AHCTF1: variants seen among roughly 807,000 people sequenced by gnomAD.
AHCTF1 encodes AT-hook containing transcription factor 1, also known as protein ELYS.
AHCTF1 carries 24 observed loss-of-function variants against 248.4 expected under a neutral mutation model. That is an observed-to-expected ratio of 0.10 (90% CI 0.07 to 0.14). AHCTF1 has a LOEUF of 0.14. AHCTF1 is among the 10% of genes least tolerant of loss of function. AHCTF1 has a pLI of 1.00. For missense variants in AHCTF1, 2,206 were observed against 2,636.2 expected (o/e 0.84, Z 3.57); for synonymous variants, 786 against 929.8 (o/e 0.85, Z 2.81).
At position 246,926,584 on chromosome 1, in the gene AHCTF1, G is replaced by A. The variant is rs1042337912; in HGVS notation, c.-8+4994C>T. Reference sequence around the variant, plus strand: ...ATTATTAGAAATAGGGGCCAGGCGCGGTGGCTCACACCTGTCATCCCAGCA... The same window carrying A: ...ATTATTAGAAATAGGGGCCAGGCGCAGTGGCTCACACCTGTCATCCCAGCA... On this transcript the variant is annotated intron_variant, in intron 1 of 35. Coordinates refer to ENST00000648844, the MANE Select transcript of AHCTF1 (RefSeq NM_001323342.2). Among the ~76,000 whole-genome samples, 13 of 152,140 alleles carry A rather than the reference G, an allele frequency of 8.5e-5. No homozygotes were observed. In the East Asian group the frequency reaches 1.2e-3, roughly 14 times the overall value.
intron 2 of AHCTF1, 56 bp downstream of exon 2, chr1:246,918,188 CTTATTA>C: frequency 6.9e-7 from 1 of 1,442,848 alleles, no homozygotes; most frequent in Non-Finnish European, 9.3e-7. Flanking sequence ...ATAATATATA[CTTATTA>C]TTATTTATCT....
Position 246,851,190 on chromosome 1 carries a change from C to T in AHCTF1, c.4816G>A (p.Gly1606Ser). ...AACACATCAGATGATGCAAAATCACCTGGCTCAACTTCTCCTTCTTCACCT... is the reference window on the plus strand; with the variant it reads ...AACACATCAGATGATGCAAAATCACTTGGCTCAACTTCTCCTTCTTCACCT... ...LEGEEGEVEP[G>S]DFASSDVLPK... The change falls in exon 33 of 36, where the codon GGT (glycine) becomes AGT (serine). Residue 1606 changes from glycine (G) to serine (S), a missense_variant. Coordinates refer to ENST00000648844, the MANE Select transcript of AHCTF1 (RefSeq NM_001323342.2). The T allele has an allele frequency of 6.2e-7, 1 of 1,613,888 alleles. No homozygotes were observed. Among genetic ancestry groups the T allele is most frequent in the Non-Finnish European group, 8.5e-7 (1 of 1,179,846 alleles).
chr1:246,928,225 C>T (rs1376603728), intron 1 of AHCTF1, among the ~76,000 whole-genome samples: 1 of 151,112 alleles, frequency 6.6e-6, no homozygotes, highest in African/African-American at 2.4e-5. Flanking sequence ...ATGGCATGAA[C>T]CCGGGAGGCG....
chr1:246,907,691 C>G lies in AHCTF1; in HGVS notation c.624G>C (p.Gly208=). The change falls in exon 5 of 36, where the codon GGG becomes GGC. Residue 208 remains glycine, a synonymous_variant. Transcript: ENST00000648844. ...PHIRESVMRQ[G]RHLCFQLVSP... is the part of the protein sequence containing the mutation. ...TTACTAACTGGAAACACAGATGGCGCCCTTGTCTCATTACACTTTCTCTAA... is the reference window on the plus strand; with the variant it reads ...TTACTAACTGGAAACACAGATGGCGGCCTTGTCTCATTACACTTTCTCTAA... 1 of 1,613,952 alleles carries G rather than the reference C, an allele frequency of 6.2e-7. No individual in the cohort carries two copies. The highest frequency in any genetic ancestry group is 8.5e-7 in the Non-Finnish European group (1 of 1,179,954).
At chr1:246,910,918 G>A (rs894033885) in intron 4 of AHCTF1, among the ~76,000 whole-genome samples, 2 of 152,234 alleles carry the variant, frequency 1.3e-5, no homozygotes, top group Non-Finnish European at 2.9e-5. Flanking sequence ...GGAAGCTGCA[G>A]AACAATATTT....
At chr1:246,847,026 C>A (rs1660317074) in intron 33 of AHCTF1, among the ~76,000 whole-genome samples, 1 of 152,170 alleles carries the variant, frequency 6.6e-6, no homozygotes, top group Non-Finnish European at 1.5e-5. Context: ...GTGGCTCATG[C>A]CTATAATCCC....
intron 19 of AHCTF1, 72 bp downstream of exon 19, chr1:246,888,105 A>C (rs990283684): frequency 6.6e-7 from 1 of 1,515,370 alleles, no homozygotes; most frequent in African/African-American, 1.4e-5. Flanking sequence ...TAGATATGTC[A>C]GGTTTCCACT....
chr1:246,871,110 A>C (rs751465750), intron 24 of AHCTF1, among the ~76,000 whole-genome samples: 4 of 152,200 alleles, frequency 2.6e-5, no homozygotes, highest in Non-Finnish European at 5.9e-5. Flanking sequence ...TGCTAGGACC[A>C]CTAAAAAAGG....
chr1:246,851,418 C>T lies in AHCTF1; in HGVS notation c.4588G>A (p.Ala1530Thr), dbSNP rs750924356. Residue 1530 changes from alanine (A) to threonine (T), a missense_variant, in exon 33 of 36, where the codon GCT (alanine) becomes ACT (threonine). Physicochemically the swap from Ala to Thr is moderately conservative, Grantham distance 58. Around this residue, in one of 6 missense-constraint regions of AHCTF1, gnomAD observed 955 missense variants for 1,055.6 expected, o/e 0.90. Transcript: ENST00000648844. ...CTAGCCTCTTCTCCTGAATCTTGAG[C>T]TTCAAGCTTTTCTTGTTCAATCACC... ...IHVIEQEKLE[A>T]QDSGEEARNL... 3.1e-6 allele frequency: 5 copies of T among 1,608,552 alleles called. No homozygotes were observed. In the Admixed American group the frequency reaches 6.8e-5, roughly 22 times the overall value.
At chr1:246,899,190 A>C (rs148902945) in intron 11 of AHCTF1, among the ~76,000 whole-genome samples, 1 of 152,072 alleles carries the variant, frequency 6.6e-6, no homozygotes, top group African/African-American at 2.4e-5. Context: ...ATTTCCTCAT[A>C]AGCTTTCTGA....
At chr1:246,885,068 C>T (rs1290495418) in intron 21 of AHCTF1, among the ~76,000 whole-genome samples, 1 of 152,114 alleles carries the variant, frequency 6.6e-6, no homozygotes, top group Non-Finnish European at 1.5e-5. Flanking sequence ...TTTGGCGCCC[C>T]TCCCTTTTAT....
At chr1:246,907,332 A>T (rs1251504773) in intron 5 of AHCTF1, among the ~76,000 whole-genome samples, 2 of 152,184 alleles carry the variant, frequency 1.3e-5, no homozygotes, top group Admixed American at 6.5e-5. Context: ...TTAAATAAAC[A>T]CTGAAAAAAA....
intron 20 of AHCTF1, 144 bp downstream of exon 20, chr1:246,887,067 G>A (rs142605416): frequency 3.7e-6 from 3 of 819,740 alleles, no homozygotes; most frequent in African/African-American, 1.8e-5. Flanking sequence ...AATAGTGCTT[G>A]GTAAAGGTAC....
chr1:246,867,903 ACACAC>A lies in AHCTF1; in HGVS notation c.3089-97_3089-93del, dbSNP rs796683714. ...AAAGAATGATTACACCCCCCCCCCC[ACACAC>A]ACACACACACACATTACGTGGTAAT... On this transcript the variant is annotated intron_variant, in intron 24 of 35. Transcript: ENST00000648844. 80 of 127,198 alleles carry A rather than the reference ACACAC, an allele frequency of 6.3e-4. 8 individuals are homozygous for A. The East Asian group carries it at 0.011, about 17-fold the overall frequency. 7.9% of individuals were successfully genotyped at this position (127,198 alleles called of 1,614,324 possible).
chr1:246,858,799 C>CAAAAAAA (rs112857397), intron 29 of AHCTF1, among the ~76,000 whole-genome samples: 1 of 130,180 alleles, frequency 7.7e-6, no homozygotes, highest in African/African-American at 2.9e-5. Flanking sequence ...AACTCTGTCT[C>CAAAAAAA]AAAAAAAAAA....
At chr1:246,885,470 A>C (rs1350606034) in intron 21 of AHCTF1, 23 bp downstream of exon 21, 6 of 1,558,608 alleles carry the variant, frequency 3.8e-6, no homozygotes, top group Non-Finnish European at 4.4e-6. Flanking sequence ...TAAAGACTTT[A>C]TAGTTTCAAA....
Position 246,911,593 on chromosome 1 carries a change from C to T in AHCTF1, c.556+1639G>A, listed in dbSNP as rs1290592488. ...CCACCTCCCAGGTTCAAGTGATTCT[C>T]CTGCCTCAGCCTCCTGAGTAGCTGG... On this transcript the variant is annotated intron_variant, in intron 4 of 35. Coordinates refer to ENST00000648844, the MANE Select transcript of AHCTF1 (RefSeq NM_001323342.2). Among the ~76,000 whole-genome samples, 4 of 149,398 alleles carry T rather than the reference C, an allele frequency of 2.7e-5. No individual in the cohort carries two copies. In the East Asian group the frequency reaches 8.2e-4, roughly 31 times the overall value.
chr1:246,919,221 G>C (rs186937330), intron 1 of AHCTF1, among the ~76,000 whole-genome samples: 1 of 152,228 alleles, frequency 6.6e-6, no homozygotes, highest in Admixed American at 6.5e-5. Flanking sequence ...AGGACAAAGA[G>C]AACTAATAAG....
chr1:246,867,447 T>C, intron 25 of AHCTF1, 96 bp from the exon 26 acceptor site: 1 of 1,023,622 alleles, frequency 9.8e-7, no homozygotes, highest in Middle Eastern at 2.1e-4. Flanking sequence ...TCGTTTTACT[T>C]TGTACAGTTC....
Sources: gnomAD v4.1 joint callset for allele counts (sites outside exome capture counted in the v4.1 genomes callset) on GRCh38, gnomAD v4.1.1 for gene constraint, gnomAD v4.1.1 regional missense constraint, MANE v1.5 for transcripts, NCBI Gene and HGNC (gene_info 2026-07-23, HGNC 2026-07-21) for gene names.